Variants in CPNE8 observed in about 807,000 individuals in gnomAD.
CPNE8 encodes copine 8.
In CPNE8, 45 loss-of-function variants were observed where a neutral mutation model predicts 81.5. The ratio of observed to expected loss-of-function variants is 0.55; its 90% CI spans 0.44 to 0.71. CPNE8 has a LOEUF of 0.71. CPNE8 is among the 30% of genes least tolerant of loss of function. The probability of loss-of-function intolerance (pLI) is 0.00; values close to 1 mark genes in which losing one functional copy is unlikely to be tolerated. For missense variants in CPNE8, 594 were observed against 672.1 expected, an observed-to-expected ratio of 0.88 and a Z score of 1.28; for synonymous variants, 252 against 226.3, an observed-to-expected ratio of 1.11 and a Z score of -1.02.
At position 38,772,734 on chromosome 12, in the gene CPNE8, A is replaced by G. The variant is rs138109130; in HGVS notation, c.471+3504T>C. 3.2e-3 allele frequency among the ~76,000 whole-genome samples: 486 copies of G among 152,284 alleles called. 3 individuals carry two copies. The highest frequency in any genetic ancestry group is 5.6e-3 in the Non-Finnish European group (380 of 68,008). ...TTCCTCAAAAATTAAAAGCAGCACT[A>G]CTGTATGATCCAGCAATCCCACTTC... On this transcript the variant is annotated intron_variant, in intron 7 of 19. Coordinates refer to ENST00000331366, the MANE Select transcript of CPNE8 (RefSeq NM_153634.3).
Position 38,829,576 on chromosome 12 carries a change from C to T in CPNE8, c.331-121G>A, listed in dbSNP as rs76203558. ...AAATATTGACATTTCTAACTTCCAA[C>T]AATAAGTAAAATAAGCTCAATATGC... On this transcript the variant is annotated intron_variant, in intron 5 of 19. Coordinates refer to ENST00000331366, the MANE Select transcript of CPNE8 (RefSeq NM_153634.3). The T allele has an allele frequency of 3.9e-3, 2,693 of 689,000 alleles. 58 individuals carry two copies. The African/African-American group carries it at 0.042, about 11-fold the overall frequency. 42.7% of individuals were successfully genotyped at this position (689,000 alleles called of 1,614,324 possible). A position where few individuals can be genotyped will look rare whatever the true frequency, so the allele number is the denominator to read the frequency against.
intron 6 of CPNE8, among the ~76,000 whole-genome samples, chr12:38,817,987 C>A (rs996370120): frequency 6.6e-6 from 1 of 152,124 alleles, no homozygotes; most frequent in Non-Finnish European, 1.5e-5. Context: ...GAAAGCCAAA[C>A]ACCCTGTATT....
intron 11 of CPNE8, chr12:38,726,586 A>G (rs1473997275): frequency 1.3e-5 from 2 of 152,210 alleles, no homozygotes; most frequent in Non-Finnish European, 2.9e-5. Flanking sequence ...AATTTGAGGA[A>G]CAAGCACTCT....
chr12:38,842,903 A>G (rs1943497011), intron 4 of CPNE8, among the ~76,000 whole-genome samples: 1 of 152,036 alleles, frequency 6.6e-6, no homozygotes, highest in Non-Finnish European at 1.5e-5. Flanking sequence ...TTCTTTTAAC[A>G]CAATTTTTCT....
intron 6 of CPNE8, among the ~76,000 whole-genome samples, chr12:38,820,067 A>G (rs887993824): frequency 2.0e-5 from 3 of 152,128 alleles, no homozygotes; most frequent in African/African-American, 4.8e-5. Flanking sequence ...TTTTATCACA[A>G]TATAACTTCT....
intron 15 of CPNE8, 167 bp from the exon 16 acceptor site, chr12:38,685,784 T>C: frequency 1.8e-6 from 1 of 544,190 alleles, no homozygotes; most frequent in Non-Finnish European, 3.2e-6. Flanking sequence ...AAGTAAGTGA[T>C]CAACAATCGA....
At chr12:38,709,404 G>GGCC (rs1444134321) in intron 13 of CPNE8, among the ~76,000 whole-genome samples, 1 of 152,168 alleles carries the variant, frequency 6.6e-6, no homozygotes, top group Non-Finnish European at 1.5e-5. Context: ...AATTAACCTT[G>GGCC]CCAAGTAAGA....
chr12:38,731,036 G>A (rs1313296834), intron 10 of CPNE8, among the ~76,000 whole-genome samples: 4 of 151,764 alleles, frequency 2.6e-5, no homozygotes, highest in African/African-American at 9.7e-5. Context: ...AGGTTGACCT[G>A]TGCAACTACA....
chr12:38,654,751 T>C (rs1026490294), intron 19 of CPNE8, among the ~76,000 whole-genome samples: 4 of 152,066 alleles, frequency 2.6e-5, no homozygotes, highest in African/African-American at 9.7e-5. Flanking sequence ...TGGGGCTTGG[T>C]TTCCTGTCAA....
At position 38,782,535 on chromosome 12, in the gene CPNE8, C is replaced by T. The variant is rs552158727; in HGVS notation, c.408-6234G>A. On this transcript the variant is annotated intron_variant, in intron 6 of 19. Transcript: ENST00000331366. ...GGGCATAATTTTTCCAACAATGTCT[C>T]CAACTTACTCTCAAATGACTCAGAA... 3.9e-4 allele frequency among the ~76,000 whole-genome samples: 60 copies of T among 152,170 alleles called. 2 individuals carry two copies. In the South Asian group the frequency reaches 0.012, roughly 30 times the overall value.
At position 38,782,516 on chromosome 12, in the gene CPNE8, A is replaced by G. The variant is rs532564226; in HGVS notation, c.408-6215T>C. Among the ~76,000 whole-genome samples, 13 of 152,272 alleles carry G rather than the reference A, an allele frequency of 8.5e-5. 1 individual carries two copies. In the East Asian group the frequency reaches 2.5e-3, roughly 29 times the overall value. ...CAAGTATTTAGAGGAAAGAGGGCAT[A>G]ATTTTTCCAACAATGTCTCCAACTT... On this transcript the variant is annotated intron_variant, in intron 6 of 19. Transcript: ENST00000331366.
intron 1 of CPNE8, among the ~76,000 whole-genome samples, chr12:38,881,885 T>C (rs1184581519): frequency 2.0e-5 from 3 of 152,016 alleles, no homozygotes; most frequent in South Asian, 2.1e-4. Context: ...AAGGGAAACA[T>C]GTTTATGCTT....
chr12:38,857,813 T>C (rs1943768661), intron 3 of CPNE8, among the ~76,000 whole-genome samples: 1 of 152,100 alleles, frequency 6.6e-6, no homozygotes, highest in African/African-American at 2.4e-5. Flanking sequence ...GGAGAATTGC[T>C]TGAACCCAGG....
chr12:38,864,324 A>G (rs558559575), intron 3 of CPNE8, among the ~76,000 whole-genome samples: 21 of 152,182 alleles, frequency 1.4e-4, no homozygotes, highest in Non-Finnish European at 2.8e-4. Context: ...TTTATTTACT[A>G]TCGATGGCTG....
At position 38,670,817 on chromosome 12, in the gene CPNE8, A is replaced by T. The variant is rs374666262; in HGVS notation, c.1433-15T>A. 2.5e-6 allele frequency: 4 copies of T among 1,580,870 alleles called. No homozygotes were observed. The highest frequency in any genetic ancestry group is 3.5e-6 in the Non-Finnish European group (4 of 1,153,722). On this transcript the variant is annotated splice_polypyrimidine_tract_variant and intron_variant, in intron 18 of 19. Coordinates refer to ENST00000331366, the MANE Select transcript of CPNE8 (RefSeq NM_153634.3). ...TTCGACCATTGCTTTAAGAGAAAATATGATCATTTATTCAGTACATTTTAG... is the reference window on the plus strand; with the variant it reads ...TTCGACCATTGCTTTAAGAGAAAATTTGATCATTTATTCAGTACATTTTAG...
At chr12:38,830,799 G>A (rs2137024503) in intron 5 of CPNE8, among the ~76,000 whole-genome samples, 1 of 152,236 alleles carries the variant, frequency 6.6e-6, no homozygotes, top group African/African-American at 2.4e-5. Context: ...CTCAGATAAG[G>A]GAACTGAGGC....
At chr12:38,659,853 T>C (rs1276314458) in intron 19 of CPNE8, among the ~76,000 whole-genome samples, 1 of 152,146 alleles carries the variant, frequency 6.6e-6, no homozygotes, top group Admixed American at 6.5e-5. Flanking sequence ...ATGAGTGAAC[T>C]CCCATTCACA....
Position 38,767,721 on chromosome 12 carries a change from T to C in CPNE8, c.489A>G (p.Gln163=), listed in dbSNP as rs1257487698. Residue 163 remains glutamine, a synonymous_variant, in exon 8 of 20, where the codon CAA becomes CAG. Transcript: ENST00000331366. ...LNCCRDAVLM[Q]FCANKLDKKD... ...TCTTGTCCAATTTGTTCGCACAAAA[T>C]TGCATCAAAACGGCATCCTAAAAAC... 33 of 1,552,152 alleles carry C rather than the reference T, an allele frequency of 2.1e-5. No individual in the cohort carries two copies. The highest frequency in any genetic ancestry group is 2.8e-5 in the Non-Finnish European group (32 of 1,154,696).
At chr12:38,848,312 G>A (rs1464991150) in intron 4 of CPNE8, among the ~76,000 whole-genome samples, 4 of 152,060 alleles carry the variant, frequency 2.6e-5, no homozygotes, top group Non-Finnish European at 5.9e-5. Flanking sequence ...TGAAGCACAG[G>A]GCAGTTGGGA....
Sources: gnomAD v4.1 joint callset for allele counts (sites outside exome capture counted in the v4.1 genomes callset) on GRCh38, gnomAD v4.1.1 for gene constraint, MANE v1.5 for transcripts, NCBI Gene and HGNC (gene_info 2026-07-23, HGNC 2026-07-21) for gene names.